UBE2V2: variants seen among roughly 807,000 people sequenced by gnomAD.
UBE2V2 encodes the protein ubiquitin-conjugating enzyme E2 variant 2.
Under a neutral mutation model 17.2 loss-of-function variants are expected in UBE2V2, and 9 were observed. The ratio of observed to expected loss-of-function variants is 0.52; its 90% confidence interval spans 0.32 to 0.91. The LOEUF (loss-of-function observed/expected upper bound fraction) is 0.91. UBE2V2 is among the 40% of genes least tolerant of loss of function. UBE2V2 has a pLI of 0.04. For missense variants in UBE2V2, 133 were observed against 182.6 expected (o/e 0.73, Z 1.56); for synonymous variants, 61 against 57.5 (o/e 1.06, Z -0.28).
chr8:48,053,600 A>G (rs888295302), intron 3 of UBE2V2, among the ~76,000 whole-genome samples: 1 of 150,956 alleles, frequency 6.6e-6, no homozygotes, highest in Admixed American at 6.6e-5. Flanking sequence ...ATTTTTTTGT[A>G]TTTTTAATAG....
intron 2 of UBE2V2, among the ~76,000 whole-genome samples, chr8:48,046,160 C>T (rs1589863212): frequency 1.3e-5 from 2 of 152,082 alleles, no homozygotes; most frequent in African/African-American, 4.8e-5. Context: ...TGCTCAGTCG[C>T]TCAGGCTGGA....
intron 1 of UBE2V2, among the ~76,000 whole-genome samples, chr8:48,018,907 C>CT (rs34494929): frequency 3.9e-5 from 6 of 151,970 alleles, no homozygotes; most frequent in African/African-American, 7.2e-5. Flanking sequence ...CCTTCTCTAT[C>CT]TTTTTTTTAC....
chr8:48,014,673 A>T (rs2091256330), intron 1 of UBE2V2, among the ~76,000 whole-genome samples: 1 of 151,268 alleles, frequency 6.6e-6, no homozygotes, highest in Admixed American at 6.6e-5. Context: ...AATGTGCAGG[A>T]AAATGAAACC....
At chr8:48,054,044 A>G (rs1036900302) in intron 3 of UBE2V2, among the ~76,000 whole-genome samples, 2 of 152,118 alleles carry the variant, frequency 1.3e-5, no homozygotes, top group African/African-American at 4.8e-5. Flanking sequence ...ACCTCAGGTG[A>G]TCTGCCTGCC....
At chr8:48,038,770 C>T (rs1353113352) in intron 1 of UBE2V2, among the ~76,000 whole-genome samples, 1 of 151,834 alleles carries the variant, frequency 6.6e-6, no homozygotes, top group Non-Finnish European at 1.5e-5. Flanking sequence ...CGTGAGCTAC[C>T]ATGTCCAGCC....
the UBE2V2 span, among the ~76,000 whole-genome samples, chr8:47,998,354 G>A: frequency 6.6e-6 from 1 of 151,952 alleles, no homozygotes; most frequent in South Asian, 2.1e-4. Flanking sequence ...TGACAAGGAC[G>A]TGGAAGAGGG....
chr8:47,997,807 C>T, the UBE2V2 span, among the ~76,000 whole-genome samples: 4 of 151,540 alleles, frequency 2.6e-5, no homozygotes, highest in African/African-American at 7.3e-5. Context: ...GTTGGAGAGA[C>T]GGAGGTAGAG....
At chr8:48,015,133 T>G (rs541596681) in intron 1 of UBE2V2, among the ~76,000 whole-genome samples, 1 of 151,670 alleles carries the variant, frequency 6.6e-6, no homozygotes, top group South Asian at 2.1e-4. Flanking sequence ...GTCCCAGCAC[T>G]TTGGGAGGTC....
chr8:48,008,405 G>C (rs2154506508), upstream of UBE2V2: 1 of 1,554,292 alleles, frequency 6.4e-7, no homozygotes. Context: ...GAAGTGACGC[G>C]CGACGGTTCG....
the UBE2V2 span, among the ~76,000 whole-genome samples, chr8:48,002,567 T>C: frequency 1.3e-5 from 2 of 148,722 alleles, no homozygotes; most frequent in Non-Finnish European, 3.0e-5. Flanking sequence ...GTGGGCAGAT[T>C]GCTTGACCTC....
At chr8:48,022,798 T>C (rs1466534284) in intron 1 of UBE2V2, among the ~76,000 whole-genome samples, 1 of 151,852 alleles carries the variant, frequency 6.6e-6, no homozygotes, top group Non-Finnish European at 1.5e-5. Flanking sequence ...ACAGATTTTT[T>C]CCTGGTCGCA....
chr8:48,036,399 T>A (rs917689650), intron 1 of UBE2V2, among the ~76,000 whole-genome samples: 2 of 151,426 alleles, frequency 1.3e-5, no homozygotes, highest in African/African-American at 4.8e-5. Context: ...GTGGCCATCT[T>A]TAATTTGGTA....
upstream of UBE2V2, among the ~76,000 whole-genome samples, chr8:48,006,811 C>T (rs372718288): frequency 1.6e-4 from 24 of 152,136 alleles, no homozygotes; most frequent in East Asian, 1.9e-3. Flanking sequence ...GAGCTATTTA[C>T]GACAAACCCA....
chr8:48,058,139 G>C (rs1266913976), intron 3 of UBE2V2, among the ~76,000 whole-genome samples: 1 of 151,752 alleles, frequency 6.6e-6, no homozygotes, highest in African/African-American at 2.4e-5. Context: ...TTTGAGACCA[G>C]CCTGGCCAAG....
At chr8:48,027,857 AT>A (rs568836909) in intron 1 of UBE2V2, among the ~76,000 whole-genome samples, 6 of 147,636 alleles carry the variant, frequency 4.1e-5, no homozygotes, top group Admixed American at 6.8e-5. Flanking sequence ...TTCTTTATTC[AT>A]TTTTTTTTTG....
upstream of UBE2V2, among the ~76,000 whole-genome samples, chr8:48,005,037 T>A (rs1482654125): frequency 6.0e-5 from 9 of 150,528 alleles, no homozygotes; most frequent in South Asian, 2.1e-4. Flanking sequence ...TTTTTTTTTT[T>A]AATTTAAATT....
intron 1 of UBE2V2, among the ~76,000 whole-genome samples, chr8:48,018,094 C>T (rs369195725): frequency 1.5e-4 from 23 of 152,270 alleles, no homozygotes; most frequent in Middle Eastern, 3.4e-3. Context: ...GCCTCGGCCT[C>T]CCAAAGTGCT....
intron 1 of UBE2V2, among the ~76,000 whole-genome samples, chr8:48,034,414 C>T (rs970187989): frequency 5.9e-5 from 9 of 152,140 alleles, no homozygotes; most frequent in Non-Finnish European, 1.0e-4. Context: ...CGTGAGCCAC[C>T]GCACTTGCCC....
intron 1 of UBE2V2, among the ~76,000 whole-genome samples, chr8:48,037,026 A>G (rs2154507535): frequency 6.6e-6 from 1 of 152,274 alleles, no homozygotes; most frequent in East Asian, 1.9e-4. Context: ...TAAAAATACA[A>G]ATATTAGCCA....
Sources: allele counts gnomAD v4.1 joint callset (sites outside exome capture counted in the v4.1 genomes callset), GRCh38; gene constraint gnomAD v4.1.1; transcripts MANE v1.5; gene names NCBI Gene and HGNC (gene_info 2026-07-23, HGNC 2026-07-21).